Variants in R3HDM1 observed in about 807,000 individuals in gnomAD.
R3HDM1 encodes R3H domain containing 1, also known as R3H domain-containing protein 1.
In R3HDM1, 46 loss-of-function variants were observed where a neutral mutation model predicts 141.1. The observed-to-expected ratio is 0.33, with a 90% CI of 0.26 to 0.42. The LOEUF (loss-of-function observed/expected upper bound fraction) is 0.42. Ranked by LOEUF, R3HDM1 falls within the 10% of genes least tolerant of loss-of-function variation. The pLI is 1.00. For missense variants in R3HDM1, 1,184 were observed against 1,368.3 expected (o/e 0.87, Z 2.12); for synonymous variants, 435 against 472.9 (o/e 0.92, Z 1.04).
Position 135,559,289 on chromosome 2 carries a change from A to T in R3HDM1, c.-250+27656A>T, listed in dbSNP as rs142433437. ...ACCACATCCAGCTAATTTAAAAAACATTTTTTTTGTAGAAATAGGGTCTTA... is the reference window on the plus strand; with the variant it reads ...ACCACATCCAGCTAATTTAAAAAACTTTTTTTTTGTAGAAATAGGGTCTTA... On this transcript the variant is annotated intron_variant, in intron 1 of 26. Coordinates refer to ENST00000683871, the MANE Select transcript of R3HDM1 (RefSeq NM_001378107.1). 9.8e-5 allele frequency: 15 copies of T among 153,416 alleles called. 1 individual carries two copies. The East Asian group carries it at 2.3e-3, about 24-fold the overall frequency. The allele number at this position is 153,416 out of a possible 1,614,324, so 9.5% of individuals were successfully genotyped here.
intron 19 of R3HDM1, among the ~76,000 whole-genome samples, chr2:135,674,665 G>A (rs1041943611): frequency 2.0e-5 from 3 of 152,148 alleles, no homozygotes; most frequent in Non-Finnish European, 4.4e-5. Flanking sequence ...TTCAGTTTAG[G>A]TGTTTGCTTT....
At chr2:135,636,904 G>T (rs2063321614) in intron 11 of R3HDM1, among the ~76,000 whole-genome samples, 1 of 152,138 alleles carries the variant, frequency 6.6e-6, no homozygotes, top group African/African-American at 2.4e-5. Context: ...CCTAGGCACT[G>T]GAGAACATAT....
intron 1 of R3HDM1, among the ~76,000 whole-genome samples, chr2:135,544,166 T>G (rs979881154): frequency 2.0e-5 from 3 of 152,232 alleles, no homozygotes; most frequent in Non-Finnish European, 4.4e-5. Flanking sequence ...TCATTTATAT[T>G]TGTCGACCTC....
At chr2:135,677,417 C>T (rs1559410727) in intron 20 of R3HDM1, among the ~76,000 whole-genome samples, 1 of 152,130 alleles carries the variant, frequency 6.6e-6, no homozygotes. Flanking sequence ...TGACACCAAG[C>T]CTGAAGCCTT....
rs375588798 is a variant in R3HDM1 at position 135,651,889 on chromosome 2, C to G, written c.1885C>G (p.Pro629Ala). 15 of 1,613,486 alleles carry G rather than the reference C, an allele frequency of 9.3e-6. No individual in the cohort carries two copies. Among genetic ancestry groups the G allele is most frequent in the Non-Finnish European group, 1.3e-5 (15 of 1,179,588 alleles). ...IMTAAPPPHPPPPPPPPPPPP... is the reference protein window; with the variant it reads ...IMTAAPPPHPAPPPPPPPPPP... ...GACAGCAGCCCCTCCACCACATCCT[C>G]CTCCACCGCCACCACCACCACCTCC... The change falls in exon 18 of 27, where the codon CCT (proline) becomes GCT (alanine). Residue 629 changes from proline to alanine, a missense_variant. Physicochemically the swap from Pro to Ala is conservative, Grantham distance 27. This residue lies in a region of R3HDM1 where 563 missense variants were observed against 562.0 expected (regional missense o/e 1.00). Transcript: ENST00000683871.
intron 1 of R3HDM1, among the ~76,000 whole-genome samples, chr2:135,552,320 C>A (rs1314374456): frequency 6.6e-6 from 1 of 151,998 alleles, no homozygotes; most frequent in African/African-American, 2.4e-5. Context: ...CTCAGCCTCC[C>A]AAATAGCTGG....
At position 135,636,234 on chromosome 2, in the gene R3HDM1, T is replaced by A. The variant is rs754602165; in HGVS notation, c.903+51T>A. ...CATGTTAGAGTATATTCTAATTACG[T>A]TGTAGGGTCTCAGTCTCCCTTTTAT... On this transcript the variant is annotated intron_variant, in intron 11 of 26. Coordinates refer to ENST00000683871, the MANE Select transcript of R3HDM1 (RefSeq NM_001378107.1). 4.5e-6 allele frequency: 7 copies of A among 1,568,920 alleles called. No individual in the cohort carries two copies. The East Asian group carries it at 1.1e-4, about 25-fold the overall frequency.
intron 17 of R3HDM1, chr2:135,650,235 A>T (rs189565442): frequency 2.0e-6 from 2 of 982,776 alleles, no homozygotes; most frequent in East Asian, 2.3e-4. Flanking sequence ...TTTCATAACG[A>T]AAGAATTTTC....
At chr2:135,657,279 C>T (rs1475541607) in intron 18 of R3HDM1, among the ~76,000 whole-genome samples, 1 of 151,140 alleles carries the variant, frequency 6.6e-6, no homozygotes, top group African/African-American at 2.4e-5. Flanking sequence ...GGTGTGGTGG[C>T]GGGCACCTGT....
At chr2:135,607,705 T>C in intron 3 of R3HDM1, 1 of 294,592 alleles carries the variant, frequency 3.4e-6, no homozygotes, top group Non-Finnish European at 5.0e-6. Flanking sequence ...ATTTGGGTTA[T>C]TGCATTTCCT....
At chr2:135,723,880 T>G in intron 26 of R3HDM1, 57 bp from the exon 27 acceptor site, 1 of 1,448,418 alleles carries the variant, frequency 6.9e-7, no homozygotes, top group East Asian at 2.3e-5. Flanking sequence ...GCAGTGCTTT[T>G]TTACCCAACT....
chr2:135,641,628 C>T lies in R3HDM1; in HGVS notation c.1312C>T (p.His438Tyr), dbSNP rs1271020599. ...LPGTALSQSS[H>Y]GAPVVYPTVS... The stretch of plus-strand genomic sequence containing the variant: ...AGGTACAGCTCTCAGCCAGTCTTCT[C>T]ATGGCGCACCTGTCGTCTATCCAAC... Residue 438 changes from histidine to tyrosine, a missense_variant, in exon 15 of 27, where the codon CAT becomes TAT. By Grantham distance (83) the His-to-Tyr change is moderately conservative (BLOSUM62 2). Coordinates refer to ENST00000683871, the MANE Select transcript of R3HDM1 (RefSeq NM_001378107.1). 1 of 1,614,082 alleles carries T rather than the reference C, an allele frequency of 6.2e-7. No homozygotes were observed. The highest frequency in any genetic ancestry group is 1.3e-5 in the African/African-American group (1 of 74,936).
At chr2:135,543,142 T>C in intron 1 of R3HDM1, 2 of 963,296 alleles carry the variant, frequency 2.1e-6, no homozygotes, top group Non-Finnish European at 2.5e-6. Flanking sequence ...GGATGATTAA[T>C]TTTTGTGTAT....
intron 24 of R3HDM1, among the ~76,000 whole-genome samples, chr2:135,719,649 A>G (rs1575260093): frequency 6.6e-6 from 1 of 152,160 alleles, no homozygotes; most frequent in East Asian, 1.9e-4. Flanking sequence ...CTATACTTTT[A>G]TATACTTGAA....
At chr2:135,596,969 A>C (rs1445552932) in intron 1 of R3HDM1, 1 of 947,252 alleles carries the variant, frequency 1.1e-6, no homozygotes, top group African/African-American at 1.8e-5. Context: ...ATTTGATAGC[A>C]CAAATTGTTT....
intron 1 of R3HDM1, among the ~76,000 whole-genome samples, chr2:135,593,835 G>A (rs1161075605): frequency 6.6e-6 from 1 of 152,034 alleles, no homozygotes; most frequent in African/African-American, 2.4e-5. Flanking sequence ...ATTCTCATGC[G>A]TCAGCCTCCC....
intron 1 of R3HDM1, chr2:135,586,990 G>A (rs904633045): frequency 3.0e-6 from 3 of 984,824 alleles, no homozygotes; most frequent in African/African-American, 3.5e-5. Flanking sequence ...AAAACTCATG[G>A]TAACGGTTTT....
At chr2:135,553,506 T>C (rs1175582827) in intron 1 of R3HDM1, among the ~76,000 whole-genome samples, 9 of 152,166 alleles carry the variant, frequency 5.9e-5, no homozygotes, top group Admixed American at 5.9e-4. Flanking sequence ...AAATCAGGGA[T>C]TCAGGAGCAT....
intron 1 of R3HDM1, among the ~76,000 whole-genome samples, chr2:135,559,571 A>G (rs1364933471): frequency 6.6e-6 from 1 of 152,242 alleles, no homozygotes; most frequent in Non-Finnish European, 1.5e-5. Flanking sequence ...GGCTAGAAGT[A>G]TATTTATATG....
Sources: allele counts gnomAD v4.1 joint callset (sites outside exome capture counted in the v4.1 genomes callset), GRCh38; gene constraint gnomAD v4.1.1; regional missense constraint gnomAD v4.1.1; transcripts MANE v1.5; gene names NCBI Gene and HGNC (gene_info 2026-07-23, HGNC 2026-07-21).